The following PLCG2 variants were observed in gnomAD, a reference collection of about 807,000 sequenced individuals.
The protein encoded by PLCG2 is phospholipase C gamma 2, also known as 1-phosphatidylinositol 4,5-bisphosphate phosphodiesterase gamma-2.
A neutral mutation model predicts 175.6 loss-of-function variants in PLCG2; 69 were observed. The ratio of observed to expected loss-of-function variants is 0.39; its 90% CI spans 0.32 to 0.48. PLCG2 has a LOEUF of 0.48. Among genes scored for constraint, PLCG2 ranks in the 20% least tolerant of loss-of-function variants. The probability of loss-of-function intolerance (pLI) is 0.91; values close to 1 mark genes in which losing one functional copy is unlikely to be tolerated. For missense variants in PLCG2, 1,798 were observed against 1,650.9 expected (o/e 1.09, Z -1.54); for synonymous variants, 827 against 624.0 (o/e 1.33, Z -4.85).
At chr16:81,790,224 G>A (rs746681699) in intron 2 of PLCG2, among the ~76,000 whole-genome samples, 2 of 152,200 alleles carry the variant, frequency 1.3e-5, no homozygotes, top group Non-Finnish European at 2.9e-5. Context: ...TGCTGTTGTT[G>A]CTAACTAGTG....
At chr16:81,859,025 C>T (rs1279407123) in intron 4 of PLCG2, 91 bp from the exon 5 acceptor site, 1 of 775,134 alleles carries the variant, frequency 1.3e-6, no homozygotes, top group Non-Finnish European at 2.2e-6. Context: ...GTTCCAGTTC[C>T]TTTTGTGCAC....
rs543220131 is a variant in PLCG2 at position 81,750,663 on chromosome 16, A to ATTTTTTTTTTTTTTTTTTTTTTT, written c.-144-5185_-144-5184insTTTTTTTTTTTTTTTTTTTTTTT. On this transcript the variant is annotated intron_variant, in intron 1 of 5. Coordinates refer to the PLCG2 transcript ENST00000565054. ...TTAAAAAGCAGAATGGGGACTGGAG[A>ATTTTTTTTTTTTTTTTTTTTTTT]TTTTTTTTTTTTTTTTTTTTTTGAG... Among the ~76,000 whole-genome samples, 28 of 68,462 alleles carry ATTTTTTTTTTTTTTTTTTTTTTT rather than the reference A, an allele frequency of 4.1e-4. 7 individuals are homozygous for ATTTTTTTTTTTTTTTTTTTTTTT. Among genetic ancestry groups the ATTTTTTTTTTTTTTTTTTTTTTT allele is most frequent in the African/African-American group, 1.0e-3 (20 of 19,860 alleles). The allele number at this position is 68,462 out of a possible 152,430, so 44.9% of individuals were successfully genotyped here. A position where few individuals can be genotyped will look rare whatever the true frequency, so the allele number is the denominator to read the frequency against.
At position 81,937,526 on chromosome 16, in the gene PLCG2, A is replaced by ATCTTT. The variant is rs751078342; in HGVS notation, c.3053-225_3053-221dup. The stretch of plus-strand genomic sequence containing the variant: ...ACATAGACACTTTTAGCAAGTTTGA[A>ATCTTT]TCTTTTCTTTTATGATTCGGGATTT... On this transcript the variant is annotated intron_variant, in intron 27 of 32. Coordinates refer to ENST00000564138, the MANE Select transcript of PLCG2 (RefSeq NM_002661.5). 2.9e-4 allele frequency: 120 copies of ATCTTT among 419,534 alleles called. 2 individuals are homozygous for ATCTTT. In the East Asian group the frequency reaches 4.4e-3, roughly 15 times the overall value. The allele number at this position is 419,534 out of a possible 1,614,324, so 26.0% of individuals were successfully genotyped here.
At chr16:81,778,030 A>AAACAC (rs56027201), upstream of PLCG2, among the ~76,000 whole-genome samples, 3 of 81,966 alleles carry the variant, frequency 3.7e-5, no homozygotes, top group African/African-American at 1.5e-4. Flanking sequence ...AAAAAAAAAA[A>AAACAC]ACAAAAAAAA....
chr16:81,938,319 G>C (rs1197910617), intron 28 of PLCG2, among the ~76,000 whole-genome samples: 4 of 151,962 alleles, frequency 2.6e-5, no homozygotes, highest in Non-Finnish European at 5.9e-5. Context: ...TTGTTGCTTT[G>C]TAAGAATTTT....
chr16:81,758,226 C>T (rs1397129396), intron 2 of PLCG2, among the ~76,000 whole-genome samples: 1 of 152,232 alleles, frequency 6.6e-6, no homozygotes, highest in Non-Finnish European at 1.5e-5. Context: ...GATCTGCCTG[C>T]CTGGGCCTCC....
chr16:81,837,303 A>T (rs1187341096), intron 2 of PLCG2, among the ~76,000 whole-genome samples: 4 of 152,214 alleles, frequency 2.6e-5, no homozygotes, highest in Non-Finnish European at 5.9e-5. Flanking sequence ...CCTTGCTGAC[A>T]TTCCTAGGAA....
chr16:81,906,867 G>A (rs544802746), intron 15 of PLCG2, among the ~76,000 whole-genome samples: 3 of 152,130 alleles, frequency 2.0e-5, no homozygotes, highest in South Asian at 2.1e-4. Context: ...GCGAATCCCC[G>A]TCTCTATTAA....
intron 2 of PLCG2, among the ~76,000 whole-genome samples, chr16:81,846,940 G>A (rs941129671): frequency 6.6e-6 from 1 of 152,096 alleles, no homozygotes; most frequent in African/African-American, 2.4e-5. Context: ...TTGGACACCA[G>A]TTTGGTGTCC....
rs371614542 is a variant in PLCG2 at position 81,960,990 on chromosome 16, T to A, written c.*2992T>A. 4.3e-6 allele frequency: 1 copy of A among 229,938 alleles called. No homozygotes were observed. Among genetic ancestry groups the A allele is most frequent in the African/African-American group, 2.2e-5 (1 of 45,186 alleles). 14.2% of individuals were successfully genotyped at this position (229,938 alleles called of 1,614,324 possible). On this transcript the variant is annotated 3_prime_UTR_variant, in exon 33 of 33. Coordinates refer to ENST00000564138, the MANE Select transcript of PLCG2 (RefSeq NM_002661.5). ...CCACCTCTAGTCTTACTGTAGAGCATGTCCCAAGGTGTAAAAATTCAAAAT... is the reference window on the plus strand; with the variant it reads ...CCACCTCTAGTCTTACTGTAGAGCAAGTCCCAAGGTGTAAAAATTCAAAAT...
chr16:81,873,404 A>T (rs1188279231), intron 7 of PLCG2, among the ~76,000 whole-genome samples: 1 of 152,276 alleles, frequency 6.6e-6, no homozygotes, highest in Admixed American at 6.5e-5. Flanking sequence ...CTTGAGAACA[A>T]TGACGTGTGT....
At chr16:81,914,646 A>T (rs1166128987) in intron 19 of PLCG2, among the ~76,000 whole-genome samples, 5 of 152,186 alleles carry the variant, frequency 3.3e-5, no homozygotes, top group African/African-American at 4.8e-5. Flanking sequence ...GGCTCCAGAG[A>T]TGCAGGAGTG....
At chr16:81,747,337 C>A (rs891023461) in intron 1 of PLCG2, among the ~76,000 whole-genome samples, 1 of 152,080 alleles carries the variant, frequency 6.6e-6, no homozygotes, top group South Asian at 2.1e-4. Flanking sequence ...GTGTTTGAGA[C>A]CAGCCTGGCC....
chr16:81,742,444 T>A (rs1195941700), intron 1 of PLCG2, among the ~76,000 whole-genome samples: 2 of 152,110 alleles, frequency 1.3e-5, no homozygotes, highest in Non-Finnish European at 2.9e-5. Flanking sequence ...ATCCTACTCC[T>A]GGGGCCCAGC....
chr16:81,947,473 G>A (rs1911196535), intron 31 of PLCG2, among the ~76,000 whole-genome samples: 2 of 152,110 alleles, frequency 1.3e-5, no homozygotes, highest in Admixed American at 1.3e-4. Context: ...AATTGCATTC[G>A]GTAGACCTGG....
At chr16:81,809,409 C>T (rs924931688) in intron 2 of PLCG2, among the ~76,000 whole-genome samples, 5 of 152,114 alleles carry the variant, frequency 3.3e-5, no homozygotes, top group African/African-American at 9.7e-5. Flanking sequence ...CCAGGCTTCC[C>T]CAATGGACTT....
At position 81,786,122 on chromosome 16, in the gene PLCG2, G is replaced by A. The variant is rs368137889; in HGVS notation, c.133G>A (p.Val45Met). The change falls in exon 2 of 33, where the codon GTG (valine) becomes ATG (methionine). Residue 45 changes from valine to methionine, a missense_variant. Transcript: ENST00000564138. ...CACCCCCGAGCGGAGAACCGTCCAGGTGATCATGGAGACGCGGCAGGTGGC... is the reference window on the plus strand; with the variant it reads ...CACCCCCGAGCGGAGAACCGTCCAGATGATCATGGAGACGCGGCAGGTGGC... ...KSTPERRTVQ[V>M]IMETRQVAWS... The A allele has an allele frequency of 2.5e-6, 4 of 1,614,212 alleles. No individual in the cohort carries two copies. Among genetic ancestry groups the A allele is most frequent in the Admixed American group, 1.7e-5 (1 of 60,022 alleles).
chr16:81,832,109 G>GC (rs1360330740), intron 2 of PLCG2, among the ~76,000 whole-genome samples: 1 of 152,026 alleles, frequency 6.6e-6, no homozygotes, highest in Non-Finnish European at 1.5e-5. Context: ...AAATGGAGGG[G>GC]GGGAATAGTG....
chr16:81,914,358 G>A (rs1909752932), intron 19 of PLCG2, among the ~76,000 whole-genome samples: 1 of 152,188 alleles, frequency 6.6e-6, no homozygotes. Context: ...GGGCTGCCAG[G>A]ACAGTGTCCG....
Sources: gnomAD v4.1 joint callset for allele counts (sites outside exome capture counted in the v4.1 genomes callset) on GRCh38, gnomAD v4.1.1 for gene constraint, MANE v1.5 for transcripts, NCBI Gene and HGNC (gene_info 2026-07-23, HGNC 2026-07-21) for gene names.